RNF19A: variants seen among roughly 807,000 people sequenced by gnomAD.
RNF19A encodes E3 ubiquitin-protein ligase RNF19A.
In RNF19A, 32 loss-of-function variants were observed where a neutral mutation model predicts 75.7. That is an observed-to-expected ratio of 0.42 (90% CI 0.32 to 0.57). The LOEUF is 0.57. Among genes scored for constraint, RNF19A ranks in the 20% least tolerant of loss-of-function variants. RNF19A has a pLI of 0.10. For missense variants in RNF19A, 782 were observed against 1,036.3 expected (o/e 0.75, Z 3.37); for synonymous variants, 335 against 345.2 (o/e 0.97, Z 0.33).
intron 1 of RNF19A, among the ~76,000 whole-genome samples, chr8:100,301,262 AC>A (rs1821814164): frequency 6.6e-6 from 1 of 152,234 alleles, no homozygotes; most frequent in African/African-American, 2.4e-5. Context: ...GATGTGACTT[AC>A]CCACACAGCT....
rs1822633746 is a variant in RNF19A at position 100,333,325 on chromosome 8, T to C, written c.-243+2783A>G. 6.6e-6 allele frequency among the ~76,000 whole-genome samples: 1 copy of C among 152,162 alleles called. No homozygotes were observed. The highest frequency in any genetic ancestry group is 2.4e-5 in the African/African-American group (1 of 41,442). ...TGTTTAACAATTACCCAGTCTGAGG[T>C]ATTATATTATAGCAGCACAAAATGG... On this transcript the variant is annotated intron_variant, in intron 1 of 3. Transcript: ENST00000519527. This position sits in a 1 kb window ranked among gnomAD's most constrained non-coding sequence, Gnocchi z 4.7.
rs763182817 is a variant in RNF19A, at chr8:100,287,692, T to C, written c.483A>G (p.Gln161=). 58 of 1,613,946 alleles carry C rather than the reference T, an allele frequency of 3.6e-5. No individual in the cohort carries two copies. Among genetic ancestry groups the C allele is most frequent in the African/African-American group, 1.2e-4 (9 of 74,920 alleles). The change falls in exon 2 of 10, where the codon CAA becomes CAG. Residue 161 remains glutamine, a synonymous_variant. Coordinates refer to ENST00000341084, the MANE Select transcript of RNF19A (RefSeq NM_183419.4). The surrounding 1 kb of genome is among the most constrained non-coding windows in gnomAD (Gnocchi z 4.1). The part of the protein sequence containing the change: ...HHRSCVDCLR[Q]YLRIEISESR... ...TTTCAGAGATTTCTATCCTTAAATA[T>C]TGTCGTAAGCAATCCACACAAGATC...
intron 1 of RNF19A, among the ~76,000 whole-genome samples, chr8:100,290,853 G>C (rs2129984468): frequency 1.3e-5 from 2 of 152,248 alleles, no homozygotes; most frequent in Middle Eastern, 6.8e-3. Context: ...GAATACTGGA[G>C]GCATTTGCAA....
chr8:100,283,238 G>GCCTTAGCCAACTGAAACAGA, intron 2 of RNF19A, among the ~76,000 whole-genome samples: 1 of 152,254 alleles, frequency 6.6e-6, no homozygotes, highest in Non-Finnish European at 1.5e-5. Flanking sequence ...ACTGAAACAG[G>GCCTTAGCCAACTGAAACAGA]TGATAGAAAC....
chr8:100,288,041 T>C lies in RNF19A; in HGVS notation c.134A>G (p.Gln45Arg), dbSNP rs551015477. ...CAAGCTCACAGATGAAGCAGAGGACTGAAGATCTCGATCTGAACCCATTTG... is the reference window on the plus strand; with the variant it reads ...CAAGCTCACAGATGAAGCAGAGGACCGAAGATCTCGATCTGAACCCATTTG... ...HRQMGSDRDL[Q>R]SSASSVSLPS... The change falls in exon 2 of 10, where the codon CAG (glutamine) becomes CGG (arginine). Residue 45 changes from glutamine (Q) to arginine (R), a missense_variant. Physicochemically the swap from Gln to Arg is conservative, Grantham distance 43. Coordinates refer to ENST00000341084, the MANE Select transcript of RNF19A (RefSeq NM_183419.4). 2 of 1,614,218 alleles carry C rather than the reference T, an allele frequency of 1.2e-6. No individual in the cohort carries two copies. The highest frequency in any genetic ancestry group is 1.7e-5 in the Admixed American group (1 of 60,024).
chr8:100,317,073 G>T lies in RNF19A; in HGVS notation c.-242-3701C>A, dbSNP rs1477590309. On this transcript the variant is annotated intron_variant, in intron 1 of 3. Transcript: ENST00000519527. The surrounding 1 kb of genome is among the most constrained non-coding windows in gnomAD (Gnocchi z 4.3). The stretch of plus-strand genomic sequence containing the variant: ...GCGCTGCCCGGCTACTCTGAGTGCG[G>T]GGCCTGCCAAGCCCACGCCCACGCC... Among the ~76,000 whole-genome samples the T allele has an allele frequency of 5.9e-5, 9 of 151,656 alleles. No homozygotes were observed.
chr8:100,307,441 GACA>G (rs947964212), intron 1 of RNF19A, among the ~76,000 whole-genome samples: 9 of 151,560 alleles, frequency 5.9e-5, no homozygotes, highest in African/African-American at 1.7e-4. Flanking sequence ...GATTAAAAAC[GACA>G]ACAACAACAA....
chr8:100,289,923 T>G (rs1356379642), intron 1 of RNF19A, among the ~76,000 whole-genome samples: 1 of 152,150 alleles, frequency 6.6e-6, no homozygotes, highest in Non-Finnish European at 1.5e-5. Context: ...GAATACATAA[T>G]TTGTGGTATA....
chr8:100,297,313 C>T (rs988987515), intron 1 of RNF19A, among the ~76,000 whole-genome samples: 3 of 152,096 alleles, frequency 2.0e-5, no homozygotes, highest in Admixed American at 6.5e-5. Context: ...TCTAAGGTAA[C>T]CTAGGTTCTA....
At chr8:100,271,776 A>G (rs1052062710) in intron 3 of RNF19A, among the ~76,000 whole-genome samples, 1 of 152,188 alleles carries the variant, frequency 6.6e-6, no homozygotes, top group African/African-American at 2.4e-5. Flanking sequence ...CCTCAAAGCA[A>G]CAAATTAGGA....
At chr8:100,306,962 T>C (rs1443186575) in intron 1 of RNF19A, among the ~76,000 whole-genome samples, 2 of 152,236 alleles carry the variant, frequency 1.3e-5, no homozygotes, top group African/African-American at 4.8e-5. Context: ...TACTACTCCA[T>C]ATATAATCAT....
rs1312311295 is a variant in RNF19A, at chr8:100,331,071, T to C, written c.-243+5037A>G. 2.0e-5 allele frequency among the ~76,000 whole-genome samples: 3 copies of C among 152,200 alleles called. No individual in the cohort carries two copies. Among genetic ancestry groups the C allele is most frequent in the Non-Finnish European group, 2.9e-5 (2 of 68,042 alleles). On this transcript the variant is annotated intron_variant, in intron 1 of 3. Coordinates refer to the RNF19A transcript ENST00000519527. This position sits in a 1 kb window ranked among gnomAD's most constrained non-coding sequence, Gnocchi z 5.2. ...CTCCTCCACTTTTCTACCCTTTAGG[T>C]TAGAATCCTAATCTCCTATCTAACA... is the stretch of plus-strand genomic sequence containing the variant.
At chr8:100,335,198 AAAC>A (rs913310076) in intron 1 of RNF19A, among the ~76,000 whole-genome samples, 16 of 152,376 alleles carry the variant, frequency 1.1e-4, no homozygotes, top group African/African-American at 3.8e-4. Context: ...AAGAACAACA[AAAC>A]AACAACAACA....
chr8:100,277,505 G>C (rs1270855589), intron 2 of RNF19A, among the ~76,000 whole-genome samples: 1 of 152,086 alleles, frequency 6.6e-6, no homozygotes, highest in Non-Finnish European at 1.5e-5. Flanking sequence ...GTAGAGACGG[G>C]GTTTCACCGT....
In RNF19A at chr8:100,257,807, G is replaced by T; in HGVS notation, c.*749C>A. 1 of 385,794 alleles carries T rather than the reference G, an allele frequency of 2.6e-6. No individual in the cohort carries two copies. Among genetic ancestry groups the T allele is most frequent in the Non-Finnish European group, 4.6e-6 (1 of 218,050 alleles). The allele number at this position is 385,794 out of a possible 1,614,324, so 23.9% of individuals were successfully genotyped here. ...CCCCTTAGAGAAAGGTGGATTTTTT[G>T]TAATACTTATAACCTAATGGGACTT... On this transcript the variant is annotated 3_prime_UTR_variant, in exon 10 of 10. Transcript: ENST00000341084.
In RNF19A at chr8:100,258,653, T is replaced by C. The variant is rs1819563493; in HGVS notation, c.2420A>G (p.Asn807Ser). The C allele has an allele frequency of 6.2e-7, 1 of 1,614,012 alleles. No homozygotes were observed. ...EEHGNNGIKP[N>S]VDLYFGDALK... Reference sequence around the variant, plus strand: ...TGCATCGCCAAAATATAAATCAACATTAGGTTTTATTCCATTGTTACCATG... The same window carrying C: ...TGCATCGCCAAAATATAAATCAACACTAGGTTTTATTCCATTGTTACCATG... Residue 807 changes from asparagine to serine, a missense_variant, in exon 10 of 10, where the codon AAT becomes AGT. Physicochemically the swap from Asn to Ser is conservative, Grantham distance 46 (BLOSUM62 1). Transcript: ENST00000341084. The surrounding 1 kb of genome is among the most constrained non-coding windows in gnomAD (Gnocchi z 4.3).
intron 2 of RNF19A, among the ~76,000 whole-genome samples, chr8:100,283,344 A>G (rs1326809506): frequency 6.6e-6 from 1 of 152,102 alleles, no homozygotes; most frequent in Non-Finnish European, 1.5e-5. Context: ...GGCAGCTTCT[A>G]TGCTTCTCCT....
rs1405069234 is a variant in RNF19A at position 100,259,700 on chromosome 8, T to C, written c.1826+154A>G. Among the ~76,000 whole-genome samples the C allele has an allele frequency of 3.3e-5, 5 of 152,250 alleles. No homozygotes were observed. The highest frequency in any genetic ancestry group is 1.2e-4 in the African/African-American group (5 of 41,466). On this transcript the variant is annotated intron_variant, in intron 9 of 9. Coordinates refer to ENST00000341084, the MANE Select transcript of RNF19A (RefSeq NM_183419.4). The surrounding 1 kb of genome is among the most constrained non-coding windows in gnomAD (Gnocchi z 4.5). ...ACAACCACAAATCCACTTTATGATCTATACAGATTTGCCTACTCTGGACAG... is the reference window on the plus strand; with the variant it reads ...ACAACCACAAATCCACTTTATGATCCATACAGATTTGCCTACTCTGGACAG...
intron 1 of RNF19A, among the ~76,000 whole-genome samples, chr8:100,307,406 A>G (rs924122663): frequency 2.6e-5 from 4 of 152,144 alleles, no homozygotes; most frequent in African/African-American, 7.2e-5. Context: ...AGAAAACTAC[A>G]TATCTCAACC....
Sources: gnomAD v4.1 joint callset for allele counts (sites outside exome capture counted in the v4.1 genomes callset) on GRCh38, gnomAD v4.1.1 for gene constraint, Gnocchi (gnomAD v3.1) non-coding constraint, MANE v1.5 for transcripts, NCBI Gene and HGNC (gene_info 2026-07-23, HGNC 2026-07-21) for gene names.